SNTG1: variants seen among roughly 807,000 people sequenced by gnomAD.
SNTG1 encodes syntrophin gamma 1, also known as gamma-1-syntrophin.
Under a neutral mutation model 74.7 loss-of-function variants are expected in SNTG1, and 39 were observed. The observed-to-expected ratio is 0.52, with a 90% CI of 0.40 to 0.68. The LOEUF (loss-of-function observed/expected upper bound fraction) is 0.68. Among genes scored for constraint, SNTG1 ranks in the 30% least tolerant of loss-of-function variants. The probability of loss-of-function intolerance (pLI) is 0.00; values close to 1 mark genes in which losing one functional copy is unlikely to be tolerated. For missense variants in SNTG1, 685 were observed against 609.5 expected, an observed-to-expected ratio of 1.12 and a Z score of -1.30; for synonymous variants, 254 against 217.1, an observed-to-expected ratio of 1.17 and a Z score of -1.49.
chr8:49,975,962 G>A (rs1405740627), intron 1 of SNTG1, among the ~76,000 whole-genome samples: 1 of 151,964 alleles, frequency 6.6e-6, no homozygotes, highest in African/African-American at 2.4e-5. Context: ...TTTTTTCAGT[G>A]AACAGCTAGT....
intron 1 of SNTG1, among the ~76,000 whole-genome samples, chr8:50,142,557 G>C (rs2081702081): frequency 6.6e-6 from 1 of 151,714 alleles, no homozygotes; most frequent in Admixed American, 6.6e-5. Context: ...TTTAAGAAAA[G>C]GTAACCAGAA....
At chr8:50,384,190 C>T (rs573700881) in intron 2 of SNTG1, among the ~76,000 whole-genome samples, 2 of 152,254 alleles carry the variant, frequency 1.3e-5, no homozygotes, top group East Asian at 3.9e-4. Flanking sequence ...CTGGCTGATG[C>T]CATAACTGTT....
At chr8:50,671,841 A>G (rs2095284737) in intron 15 of SNTG1, among the ~76,000 whole-genome samples, 1 of 151,994 alleles carries the variant, frequency 6.6e-6, no homozygotes, top group East Asian at 1.9e-4. Flanking sequence ...TGGCACATAT[A>G]CACCATGGAA....
intron 2 of SNTG1, among the ~76,000 whole-genome samples, chr8:50,254,109 A>G (rs2086770131): frequency 6.6e-6 from 1 of 152,188 alleles, no homozygotes; most frequent in South Asian, 2.1e-4. Flanking sequence ...CGATACCTTG[A>G]TTTCATCATT....
At chr8:50,060,823 A>T (rs1413253314) in intron 1 of SNTG1, among the ~76,000 whole-genome samples, 5 of 151,754 alleles carry the variant, frequency 3.3e-5, no homozygotes, top group African/African-American at 1.2e-4. Context: ...ATCTGATCAT[A>T]TTTTTCTTCT....
In SNTG1 at chr8:50,590,875, G is replaced by T; in HGVS notation, c.811-4G>T. On this transcript the variant is annotated splice_polypyrimidine_tract_variant and splice_region_variant and intron_variant, in intron 12 of 18. Coordinates refer to ENST00000642720, the MANE Select transcript of SNTG1 (RefSeq NM_018967.5). The stretch of plus-strand genomic sequence containing the variant: ...TCACTTTTATTATTTATTTATCATT[G>T]CAGATTAAAAAAATCAACAGAAACT... 6.5e-7 allele frequency: 1 copy of T among 1,545,654 alleles called. No homozygotes were observed. The highest frequency in any genetic ancestry group is 8.8e-7 in the Non-Finnish European group (1 of 1,135,128).
chr8:50,709,464 T>G (rs1394636437), intron 17 of SNTG1, among the ~76,000 whole-genome samples: 1 of 151,874 alleles, frequency 6.6e-6, no homozygotes, highest in Non-Finnish European at 1.5e-5. Context: ...GGAGTAGGAC[T>G]TTTATAAACA....
In SNTG1 at chr8:50,502,796, G is replaced by A. The variant is rs761180836; in HGVS notation, c.382G>A (p.Ala128Thr). The change falls in exon 9 of 19, where the codon GCT becomes ACT. Residue 128 changes from alanine to threonine, a missense_variant. By Grantham distance (58) the Ala-to-Thr change is moderately conservative. Coordinates refer to ENST00000642720, the MANE Select transcript of SNTG1 (RefSeq NM_018967.5). Reference protein sequence around the residue: ...HEEVVQVLRNAGEEVTLTVSF... With the variant: ...HEEVVQVLRNTGEEVTLTVSF... ...TTTTCAGGTTCAGGTTCTTCGGAAT[G>A]CTGGAGAAGAAGTGACTCTAACAGT... 27 of 1,612,630 alleles carry A rather than the reference G, an allele frequency of 1.7e-5. No homozygotes were observed. In the South Asian group the frequency reaches 2.5e-4, roughly 15 times the overall value.
intron 17 of SNTG1, among the ~76,000 whole-genome samples, chr8:50,733,752 CCTT>C (rs1290824404): frequency 2.6e-5 from 4 of 151,752 alleles, no homozygotes; most frequent in African/African-American, 7.3e-5. Context: ...GTGTTCGTGT[CCTT>C]CGTCTATTTT....
intron 1 of SNTG1, among the ~76,000 whole-genome samples, chr8:50,160,934 G>T (rs553736966): frequency 6.6e-6 from 1 of 152,006 alleles, no homozygotes; most frequent in South Asian, 2.1e-4. Flanking sequence ...GTGGGGAAAG[G>T]GGAGTTCAGG....
chr8:50,086,451 C>G (rs1183537744), intron 1 of SNTG1, among the ~76,000 whole-genome samples: 2 of 152,060 alleles, frequency 1.3e-5, no homozygotes, highest in African/African-American at 4.8e-5. Context: ...GAAAAAGGGT[C>G]AATATGATGT....
intron 15 of SNTG1, among the ~76,000 whole-genome samples, chr8:50,683,666 ATCC>A (rs2095340229): frequency 6.6e-6 from 1 of 152,170 alleles, no homozygotes; most frequent in South Asian, 2.1e-4. Context: ...TTCCCTTTAT[ATCC>A]CATGGTGGCC....
intron 1 of SNTG1, among the ~76,000 whole-genome samples, chr8:50,045,359 T>G (rs1357914286): frequency 6.6e-6 from 1 of 152,194 alleles, no homozygotes; most frequent in Non-Finnish European, 1.5e-5. Context: ...GCACATCACG[T>G]GCTCAGAGTA....
intron 1 of SNTG1, among the ~76,000 whole-genome samples, chr8:49,925,422 A>G (rs318864): frequency 0.13 from 20,065 of 151,830 alleles, 1,505 homozygotes; most frequent in Middle Eastern, 0.2. Context: ...TTTTACCTGA[A>G]CTAATTTGCC....
At chr8:50,497,186 A>G (rs1477953629) in intron 8 of SNTG1, among the ~76,000 whole-genome samples, 4 of 151,990 alleles carry the variant, frequency 2.6e-5, no homozygotes, top group African/African-American at 7.2e-5. Context: ...ACTTGAAAAA[A>G]ACTTTAAGAT....
At chr8:50,440,515 G>C (rs1458271927) in intron 5 of SNTG1, among the ~76,000 whole-genome samples, 1 of 151,976 alleles carries the variant, frequency 6.6e-6, no homozygotes, top group African/African-American at 2.4e-5. Context: ...TTAGATCTGA[G>C]AATTTAAAAA....
chr8:49,968,903 G>A (rs919941948), intron 1 of SNTG1, among the ~76,000 whole-genome samples: 1 of 152,154 alleles, frequency 6.6e-6, no homozygotes, highest in Non-Finnish European at 1.5e-5. Flanking sequence ...TACAGGCAAA[G>A]GGCGATACTG....
intron 2 of SNTG1, among the ~76,000 whole-genome samples, chr8:50,308,961 TAG>T (rs2090003937): frequency 1.4e-5 from 2 of 143,754 alleles, no homozygotes; most frequent in African/African-American, 5.2e-5. Flanking sequence ...TAGGAAGCAA[TAG>T]TTTTGATCTA....
chr8:50,462,812 T>C lies in SNTG1; in HGVS notation c.363+12083T>C, dbSNP rs1303875076. 6.6e-5 allele frequency among the ~76,000 whole-genome samples: 8 copies of C among 120,652 alleles called. 1 individual carries two copies. Among genetic ancestry groups the C allele is most frequent in the Admixed American group, 4.4e-4 (5 of 11,456 alleles). 79.2% of individuals were successfully genotyped at this position (120,652 alleles called of 152,430 possible). On this transcript the variant is annotated intron_variant, in intron 8 of 18. Coordinates refer to ENST00000642720, the MANE Select transcript of SNTG1 (RefSeq NM_018967.5). The stretch of plus-strand genomic sequence containing the variant: ...GGTTCTACTCTTTTTTTTTTTTTTT[T>C]TTTTTTTTTTTTTTTTTTTTTTTGA...
Sources: gnomAD v4.1 joint callset for allele counts (sites outside exome capture counted in the v4.1 genomes callset) on GRCh38, gnomAD v4.1.1 for gene constraint, MANE v1.5 for transcripts, NCBI Gene and HGNC (gene_info 2026-07-23, HGNC 2026-07-21) for gene names.